JMJD1C: variants seen among roughly 807,000 people sequenced by gnomAD.
JMJD1C encodes the protein jumonji domain-containing protein 1C.
Under a neutral mutation model 245.3 loss-of-function variants are expected in JMJD1C, and 31 were observed. That is an observed-to-expected ratio of 0.13 (90% CI 0.09 to 0.17). The LOEUF (loss-of-function observed/expected upper bound fraction) is 0.17, where lower values mean the gene tolerates loss of function less well. JMJD1C is among the 10% of genes least tolerant of loss of function. The pLI, the probability that JMJD1C is intolerant of heterozygous loss-of-function variation, is 1.00. For missense variants in JMJD1C, 2,691 were observed against 3,000.2 expected, an observed-to-expected ratio of 0.90 and a Z score of 2.41; for synonymous variants, 1,057 against 1,017.4, an observed-to-expected ratio of 1.04 and a Z score of -0.74.
At chr10:63,444,565 T>C (rs1366139440) in intron 1 of JMJD1C, among the ~76,000 whole-genome samples, 2 of 151,912 alleles carry the variant, frequency 1.3e-5, no homozygotes, top group South Asian at 2.1e-4. Flanking sequence ...TGCGCCTCCG[T>C]ACCCGGTGGA....
At chr10:63,519,313 A>C (rs542794868) in intron 1 of JMJD1C, among the ~76,000 whole-genome samples, 1 of 152,394 alleles carries the variant, frequency 6.6e-6, no homozygotes, top group South Asian at 2.1e-4. Flanking sequence ...ATTAGCTGAA[A>C]TAATTAATAT....
intron 8 of JMJD1C, 102 bp from the exon 9 acceptor site, chr10:63,209,337 A>C: frequency 1.2e-6 from 1 of 869,494 alleles, no homozygotes; most frequent in Non-Finnish European, 1.6e-6. Context: ...GTGGTTTATT[A>C]GTTCATTCAA....
At chr10:63,343,229 G>A (rs1426273035) in intron 2 of JMJD1C, among the ~76,000 whole-genome samples, 1 of 152,026 alleles carries the variant, frequency 6.6e-6, no homozygotes, top group Admixed American at 6.6e-5. Context: ...GGCTGGGCAT[G>A]GTGGCACACA....
intron 14 of JMJD1C, 119 bp from the exon 15 acceptor site, chr10:63,193,591 T>TAA (rs1845097963): frequency 1.7e-6 from 1 of 601,716 alleles, no homozygotes; most frequent in Non-Finnish European, 2.7e-6. Flanking sequence ...TTGTGCCCTT[T>TAA]AAATTTCTTC....
At chr10:63,176,602 C>A in intron 23 of JMJD1C, 129 bp from the exon 24 acceptor site, 1 of 663,084 alleles carries the variant, frequency 1.5e-6, no homozygotes, top group Admixed American at 3.0e-5. Context: ...ACTGAATGAG[C>A]TTCTTCAGTT....
At chr10:63,393,788 C>T (rs1564872026) in intron 1 of JMJD1C, among the ~76,000 whole-genome samples, 1 of 152,038 alleles carries the variant, frequency 6.6e-6, no homozygotes, top group Non-Finnish European at 1.5e-5. Context: ...CTAAAATTTA[C>T]ATGGGGGAGG....
intron 2 of JMJD1C, among the ~76,000 whole-genome samples, chr10:63,288,229 C>T (rs1858211355): frequency 6.6e-6 from 1 of 152,162 alleles, no homozygotes; most frequent in Admixed American, 6.5e-5. Context: ...CAAGAGTCAA[C>T]TGTACTTGGA....
At chr10:63,440,776 T>A (rs1951336720) in intron 1 of JMJD1C, among the ~76,000 whole-genome samples, 1 of 152,130 alleles carries the variant, frequency 6.6e-6, no homozygotes, top group South Asian at 2.1e-4. Flanking sequence ...TCCCTAACAC[T>A]AAGTGTGCAC....
intron 2 of JMJD1C, among the ~76,000 whole-genome samples, chr10:63,326,441 T>C (rs1229193688): frequency 4.6e-5 from 7 of 151,300 alleles, no homozygotes. Flanking sequence ...TAATAAAATA[T>C]GGTAACAATT....
At chr10:63,415,888 A>G (rs1036887942) in intron 1 of JMJD1C, among the ~76,000 whole-genome samples, 1 of 152,198 alleles carries the variant, frequency 6.6e-6, no homozygotes, top group African/African-American at 2.4e-5. Context: ...CCCTTCCTGT[A>G]CGCTCAATCC....
intron 2 of JMJD1C, among the ~76,000 whole-genome samples, chr10:63,314,487 G>A (rs1027861442): frequency 6.6e-6 from 1 of 152,200 alleles, no homozygotes; most frequent in Non-Finnish European, 1.5e-5. Context: ...CTGAGCAAGG[G>A]AAGTCGAGGC....
rs532096786 is a variant in JMJD1C, at chr10:63,311,780, G to A, written c.334-47016C>T. Among the ~76,000 whole-genome samples, 11 of 152,282 alleles carry A rather than the reference G, an allele frequency of 7.2e-5. No homozygotes were observed. In the East Asian group the frequency reaches 2.1e-3, roughly 29 times the overall value. On this transcript the variant is annotated intron_variant, in intron 2 of 25. Coordinates refer to ENST00000399262, the MANE Select transcript of JMJD1C (RefSeq NM_032776.3). ...CAAATTTAGACAGTGATTACTGATG[G>A]AGAAAGAGGAGAGCTGGATTAAAAA...
chr10:63,189,513 C>T, intron 17 of JMJD1C, 67 bp from the exon 18 acceptor site: 1 of 1,368,954 alleles, frequency 7.3e-7, no homozygotes, highest in Non-Finnish European at 9.9e-7. Flanking sequence ...TTTCCTCCCA[C>T]AGACTTATTT....
chr10:63,457,423 G>A (rs148676492), intron 1 of JMJD1C, among the ~76,000 whole-genome samples: 16 of 152,204 alleles, frequency 1.1e-4, no homozygotes, highest in African/African-American at 3.1e-4. Context: ...CAGTAGAGAC[G>A]GTGGATCAAA....
At chr10:63,486,687 T>G (rs7085862) in intron 1 of JMJD1C, among the ~76,000 whole-genome samples, 100,313 of 151,946 alleles carry the variant, frequency 0.66, 36,058 homozygotes, top group Non-Finnish European at 0.81. Context: ...ACAGTACATT[T>G]CTTGAAAAGT....
intron 2 of JMJD1C, among the ~76,000 whole-genome samples, chr10:63,352,773 C>T (rs868624425): frequency 1.1e-4 from 17 of 152,022 alleles, no homozygotes; most frequent in Middle Eastern, 6.8e-3. Context: ...CATAGGTATG[C>T]GTAGTTTTTA....
Position 63,207,021 on chromosome 10 carries a change from G to A in JMJD1C, c.4648C>T (p.Leu1550=), listed in dbSNP as rs1249369239. Residue 1550 remains leucine (L), a synonymous_variant, in exon 10 of 26, where the codon CTG becomes TTG. Transcript: ENST00000399262. ...QTSQPNYHTK[L]KKAWLTRHSE... is the part of the protein sequence containing the mutation. ...TGTCTGGTGAGCCAGGCCTTTTTCA[G>A]TTTAGTATGGTAGTTTGGTTGACTT... 1.2e-6 allele frequency: 2 copies of A among 1,613,916 alleles called. No individual in the cohort carries two copies. The highest frequency in any genetic ancestry group is 1.7e-6 in the Non-Finnish European group (2 of 1,179,984).
chr10:63,274,375 G>C (rs1856592041), intron 2 of JMJD1C, among the ~76,000 whole-genome samples: 1 of 152,064 alleles, frequency 6.6e-6, no homozygotes. Flanking sequence ...ATCAGCCTGG[G>C]CAACATGGTG....
chr10:63,389,709 A>G (rs909548713), intron 1 of JMJD1C, among the ~76,000 whole-genome samples: 1 of 152,172 alleles, frequency 6.6e-6, no homozygotes, highest in African/African-American at 2.4e-5. Context: ...TCAGACCACA[A>G]TGAAATAAAA....
Sources: gnomAD v4.1 joint callset for allele counts (sites outside exome capture counted in the v4.1 genomes callset) on GRCh38, gnomAD v4.1.1 for gene constraint, MANE v1.5 for transcripts, NCBI Gene and HGNC (gene_info 2026-07-23, HGNC 2026-07-21) for gene names.